Variants in TSPAN5 observed in about 807,000 individuals in gnomAD.
TSPAN5 encodes the protein tetraspanin 5, also known as tetraspanin-5.
TSPAN5 carries 10 observed loss-of-function variants against 37.1 expected under a neutral mutation model. The observed-to-expected ratio is 0.27, with a 90% CI of 0.17 to 0.46. The LOEUF (loss-of-function observed/expected upper bound fraction) is 0.46. Among genes scored for constraint, TSPAN5 ranks in the 20% least tolerant of loss-of-function variants. TSPAN5 has a pLI of 1.00. For synonymous variants in TSPAN5, 110 were observed against 118.9 expected, an observed-to-expected ratio of 0.93 and a Z score of 0.48; for missense variants, 195 against 326.6, an observed-to-expected ratio of 0.60 and a Z score of 3.11.
rs565673516 is a variant in TSPAN5, at chr4:98,529,360, T to A, written c.82-21632A>T. On this transcript the variant is annotated intron_variant, in intron 1 of 7. Transcript: ENST00000305798. ...GGGTGTAGCAAGCCTGATTTGAAAA[T>A]GATTACAACTGCTTCTACAGGGTAA... Among the ~76,000 whole-genome samples, 4 of 152,352 alleles carry A rather than the reference T, an allele frequency of 2.6e-5. No individual in the cohort carries two copies. The East Asian group carries it at 7.7e-4, about 29-fold the overall frequency.
intron 1 of TSPAN5, among the ~76,000 whole-genome samples, chr4:98,568,737 CTTAGAG>C (rs779564392): frequency 7.9e-5 from 12 of 152,302 alleles, no homozygotes; most frequent in African/African-American, 2.2e-4. Context: ...GCATACTGCT[CTTAGAG>C]TTAAACTTTA....
chr4:98,632,910 G>A (rs146342730), intron 1 of TSPAN5, among the ~76,000 whole-genome samples: 7 of 152,270 alleles, frequency 4.6e-5, no homozygotes, highest in African/African-American at 1.7e-4. Context: ...AAGCTGTGGA[G>A]GTCACTCATA....
In TSPAN5 at chr4:98,545,456, C is replaced by A. The variant is rs79340801; in HGVS notation, c.82-37728G>T. On this transcript the variant is annotated intron_variant, in intron 1 of 7. Coordinates refer to ENST00000305798, the MANE Select transcript of TSPAN5 (RefSeq NM_005723.4). The stretch of plus-strand genomic sequence containing the variant: ...AATTCAAAATGTAACTATCTAGCTG[C>A]AATATATATATTTTTTCATTTAACC... Among the ~76,000 whole-genome samples, 72 of 152,182 alleles carry A rather than the reference C, an allele frequency of 4.7e-4. No individual in the cohort carries two copies. The East Asian group carries it at 0.013, about 28-fold the overall frequency.
intron 1 of TSPAN5, among the ~76,000 whole-genome samples, chr4:98,566,548 G>C (rs1755009115): frequency 6.6e-6 from 1 of 152,162 alleles, no homozygotes; most frequent in East Asian, 1.9e-4. Flanking sequence ...GCAGCCATGG[G>C]AAAAAAAGAT....
chr4:98,575,183 T>C (rs189080377), intron 1 of TSPAN5, among the ~76,000 whole-genome samples: 7 of 152,172 alleles, frequency 4.6e-5, no homozygotes, highest in Admixed American at 2.0e-4. Flanking sequence ...ATGAACAAAA[T>C]GGATCCATAT....
chr4:98,484,030 GGGAAAGAT>G, intron 3 of TSPAN5: 4 of 193,238 alleles, frequency 2.1e-5, no homozygotes, highest in South Asian at 2.0e-4. Context: ...CACCAAGTCA[GGGAAAGAT>G]TTTAATTCAG....
rs867900881 is a variant in TSPAN5 at position 98,544,405 on chromosome 4, C to G, written c.82-36677G>C. ...ACTGTCAACCATTTCATCTGTGTGTCTGTGTGTGTGTGTGTATAGGGGAAG... is the reference window on the plus strand; with the variant it reads ...ACTGTCAACCATTTCATCTGTGTGTGTGTGTGTGTGTGTGTATAGGGGAAG... On this transcript the variant is annotated intron_variant, in intron 1 of 7. Coordinates refer to ENST00000305798, the MANE Select transcript of TSPAN5 (RefSeq NM_005723.4). Among the ~76,000 whole-genome samples, 137 of 151,602 alleles carry G rather than the reference C, an allele frequency of 9.0e-4. 2 individuals carry two copies. Among genetic ancestry groups the G allele is most frequent in the African/African-American group, 3.1e-3 (129 of 41,378 alleles).
At chr4:98,477,567 C>G (rs978909686) in intron 5 of TSPAN5, among the ~76,000 whole-genome samples, 12 of 152,000 alleles carry the variant, frequency 7.9e-5, no homozygotes, top group Non-Finnish European at 1.6e-4. Flanking sequence ...GGCCAGAGAA[C>G]AGTTGAGGAG....
chr4:98,513,053 G>C (rs1223164973), intron 1 of TSPAN5, among the ~76,000 whole-genome samples: 1 of 152,234 alleles, frequency 6.6e-6, no homozygotes, highest in African/African-American at 2.4e-5. Flanking sequence ...CAAAGGATGA[G>C]AAGGAGTTAA....
Position 98,658,286 on chromosome 4 carries a change from T to C in TSPAN5, c.-60A>G, listed in dbSNP as rs999793330. 5.7e-6 allele frequency: 8 copies of C among 1,405,200 alleles called. No homozygotes were observed. The highest frequency in any genetic ancestry group is 3.3e-5 in the Admixed American group (2 of 59,704). The allele number at this position is 1,405,200 out of a possible 1,614,324, so 87.0% of individuals were successfully genotyped here. A position where few individuals can be genotyped will look rare whatever the true frequency, so the allele number is the denominator to read the frequency against. On this transcript the variant is annotated 5_prime_UTR_variant, in exon 1 of 8. Coordinates refer to ENST00000305798, the MANE Select transcript of TSPAN5 (RefSeq NM_005723.4). ...CCGAGTTTGGAGCTCCGAAGCACCG[T>C]TGCTCGGAGCAGCCCGGCGGGGAGC...
intron 1 of TSPAN5, among the ~76,000 whole-genome samples, chr4:98,569,186 T>A (rs1755068460): frequency 6.6e-6 from 1 of 152,220 alleles, no homozygotes; most frequent in South Asian, 2.1e-4. Context: ...AAGGCCTGAC[T>A]ACAGGAAGAA....
intron 1 of TSPAN5, among the ~76,000 whole-genome samples, chr4:98,581,695 A>G (rs1319880507): frequency 6.6e-6 from 1 of 152,228 alleles, no homozygotes; most frequent in Non-Finnish European, 1.5e-5. Flanking sequence ...ATTAAAAAGA[A>G]AAGGGTAATT....
chr4:98,644,226 A>G (rs1757015958), intron 1 of TSPAN5, among the ~76,000 whole-genome samples: 1 of 152,188 alleles, frequency 6.6e-6, no homozygotes. Flanking sequence ...AAGGCCGGTA[A>G]AGTCGGAAGA....
At chr4:98,501,121 T>C (rs546858396) in intron 2 of TSPAN5, among the ~76,000 whole-genome samples, 2 of 152,348 alleles carry the variant, frequency 1.3e-5, no homozygotes, top group Admixed American at 6.5e-5. Context: ...AATTTTTCCA[T>C]GAAATGAGAT....
intron 1 of TSPAN5, among the ~76,000 whole-genome samples, chr4:98,546,934 ATC>A (rs372449266): frequency 1.3e-5 from 2 of 152,344 alleles, no homozygotes; most frequent in African/African-American, 4.8e-5. Flanking sequence ...TATGAAAGCA[ATC>A]TGCTGGGTGA....
chr4:98,626,539 C>T (rs1001210159), intron 1 of TSPAN5, among the ~76,000 whole-genome samples: 2 of 152,034 alleles, frequency 1.3e-5, no homozygotes, highest in Non-Finnish European at 2.9e-5. Flanking sequence ...CCACTCTCCT[C>T]TCCCCTCCTG....
chr4:98,536,429 G>A (rs1188716258), intron 1 of TSPAN5, among the ~76,000 whole-genome samples: 1 of 152,336 alleles, frequency 6.6e-6, no homozygotes, highest in South Asian at 2.1e-4. Flanking sequence ...CCTGTATGAG[G>A]TGTCCGTCGG....
At chr4:98,566,831 C>T (rs578095075) in intron 1 of TSPAN5, among the ~76,000 whole-genome samples, 1 of 152,186 alleles carries the variant, frequency 6.6e-6, no homozygotes, top group Non-Finnish European at 1.5e-5. Context: ...GGCAGGGGCA[C>T]CGCACGCAGG....
At chr4:98,567,380 GC>G (rs1323208743) in intron 1 of TSPAN5, among the ~76,000 whole-genome samples, 1 of 152,052 alleles carries the variant, frequency 6.6e-6, no homozygotes, top group Non-Finnish European at 1.5e-5. Context: ...AAATGTATGT[GC>G]CCATCACAAC....
Sources: gnomAD v4.1 joint callset for allele counts (sites outside exome capture counted in the v4.1 genomes callset) on GRCh38, gnomAD v4.1.1 for gene constraint, MANE v1.5 for transcripts, NCBI Gene and HGNC (gene_info 2026-07-23, HGNC 2026-07-21) for gene names.